The following KATNAL2 variants were observed in gnomAD, a reference collection of about 807,000 sequenced individuals.
KATNAL2 encodes katanin p60 ATPase-containing subunit A-like 2.
A neutral mutation model predicts 76.3 loss-of-function variants in KATNAL2; 52 were observed. The observed-to-expected ratio is 0.68, with a 90% CI of 0.55 to 0.86. The LOEUF (loss-of-function observed/expected upper bound fraction) is 0.86. Among genes scored for constraint, KATNAL2 ranks in the 40% least tolerant of loss-of-function variants. KATNAL2 has a pLI of 0.00. For synonymous variants in KATNAL2, 243 were observed against 244.2 expected (o/e 1.00, Z 0.05); for missense variants, 660 against 668.9 (o/e 0.99, Z 0.15).
Position 47,031,581 on chromosome 18 carries a change from C to T in KATNAL2, c.52-14876C>T, listed in dbSNP as rs566872939. ...AAAATAGGTAAATTTGCTGTGTTTC[C>T]AGACTTCCAGCTACTTCTCCAGGAG... On this transcript the variant is annotated intron_variant, in intron 3 of 17. Coordinates refer to ENST00000683218, the MANE Select transcript of KATNAL2 (RefSeq NM_001387690.1). 6.4e-4 allele frequency among the ~76,000 whole-genome samples: 98 copies of T among 152,186 alleles called. 3 individuals are homozygous for T. The South Asian group carries it at 0.019, about 30-fold the overall frequency.
At chr18:46,925,860 G>C (rs2058711585) in intron 1 of KATNAL2, among the ~76,000 whole-genome samples, 1 of 152,158 alleles carries the variant, frequency 6.6e-6, no homozygotes, top group African/African-American at 2.4e-5. Context: ...AGATTTTCTA[G>C]TTTATTTGCG....
intron 8 of KATNAL2, among the ~76,000 whole-genome samples, chr18:47,061,632 G>A (rs2061635307): frequency 6.6e-6 from 1 of 152,152 alleles, no homozygotes; most frequent in Admixed American, 6.5e-5. Context: ...GTTCTTGAGG[G>A]CATAGGCTTC....
At chr18:47,057,122 A>C in intron 6 of KATNAL2, among the ~76,000 whole-genome samples, 1 of 152,188 alleles carries the variant, frequency 6.6e-6, no homozygotes, top group East Asian at 1.9e-4. Flanking sequence ...TTGCTGGCCA[A>C]ATAGTTGTGC....
intron 3 of KATNAL2, among the ~76,000 whole-genome samples, chr18:46,956,941 G>A (rs1473133617): frequency 6.6e-6 from 1 of 151,456 alleles, no homozygotes; most frequent in African/African-American, 2.4e-5. Context: ...TATTTGGGAG[G>A]CTGAGACAAG....
Position 47,031,390 on chromosome 18 carries a change from C to G in KATNAL2, c.52-15067C>G, listed in dbSNP as rs1046149065. On this transcript the variant is annotated intron_variant, in intron 3 of 17. Transcript: ENST00000683218. Reference sequence around the variant, plus strand: ...GGCAGTTTCGCGTAATTTTTAATTTCTCGTGTGACTTTTTTTGTGTCTCTC... The same window carrying G: ...GGCAGTTTCGCGTAATTTTTAATTTGTCGTGTGACTTTTTTTGTGTCTCTC... 2.6e-5 allele frequency among the ~76,000 whole-genome samples: 4 copies of G among 151,496 alleles called. No individual in the cohort carries two copies. The South Asian group carries it at 6.3e-4, about 24-fold the overall frequency.
In KATNAL2 at chr18:47,069,229, C is replaced by G; in HGVS notation, c.835C>G (p.Leu279Val). 6.2e-7 allele frequency: 1 copy of G among 1,610,800 alleles called. No individual in the cohort carries two copies. The highest frequency in any genetic ancestry group is 8.5e-7 in the Non-Finnish European group (1 of 1,177,996). Residue 279 changes from leucine (L) to valine (V), a missense_variant, in exon 12 of 18, where the codon CTA becomes GTA. Coordinates refer to ENST00000683218, the MANE Select transcript of KATNAL2 (RefSeq NM_001387690.1). ...AVVYPIRYPQ[L>V]FTGILSPWKG... ...TTCCTTGTTTCCTTAGTATCCACAG[C>G]TATTTACAGGAATTCTTTCTCCCTG... is the stretch of plus-strand genomic sequence containing the variant.
chr18:47,058,402 T>A, intron 7 of KATNAL2, 50 bp downstream of exon 7: 2 of 1,039,242 alleles, frequency 1.9e-6, no homozygotes, highest in Admixed American at 2.0e-5. Context: ...GGCTGAAAAA[T>A]AGCCCTATGA....
chr18:47,070,454 G>A (rs1484534610), intron 13 of KATNAL2, among the ~76,000 whole-genome samples: 1 of 152,024 alleles, frequency 6.6e-6, no homozygotes, highest in Non-Finnish European at 1.5e-5. Flanking sequence ...TATAGTTGAT[G>A]TTATATTTTA....
intron 1 of KATNAL2, among the ~76,000 whole-genome samples, chr18:46,930,370 T>C (rs936205839): frequency 6.6e-6 from 1 of 152,156 alleles, no homozygotes; most frequent in Non-Finnish European, 1.5e-5. Flanking sequence ...GTCACTACTA[T>C]TAAAATTTAT....
At chr18:47,040,249 AC>A (rs1308036746) in intron 3 of KATNAL2, among the ~76,000 whole-genome samples, 1 of 152,132 alleles carries the variant, frequency 6.6e-6, no homozygotes, top group African/African-American at 2.4e-5. Flanking sequence ...TTCATTTATT[AC>A]TCTGTTAGGT....
At chr18:47,099,048 C>T in intron 15 of KATNAL2, 195 bp from the exon 16 acceptor site, 1 of 443,524 alleles carries the variant, frequency 2.3e-6, no homozygotes. Context: ...CCCTTCCTTC[C>T]CTCCCTCAGT....
chr18:47,050,427 GAT>G (rs2061307002), intron 4 of KATNAL2, among the ~76,000 whole-genome samples: 1 of 152,146 alleles, frequency 6.6e-6, no homozygotes, highest in South Asian at 2.1e-4. Flanking sequence ...AATTATCCCT[GAT>G]TTTTTATTAC....
At chr18:47,081,384 TTTTA>T (rs1440454306) in intron 15 of KATNAL2, among the ~76,000 whole-genome samples, 3 of 152,194 alleles carry the variant, frequency 2.0e-5, no homozygotes, top group Non-Finnish European at 4.4e-5. Context: ...TAATAACATG[TTTTA>T]TTTAACACAG....
At chr18:47,074,803 C>T (rs1236864521) in intron 13 of KATNAL2, among the ~76,000 whole-genome samples, 1 of 152,188 alleles carries the variant, frequency 6.6e-6, no homozygotes, top group Non-Finnish European at 1.5e-5. Context: ...ATTTGTCAGC[C>T]TTGTTACCCA....
intron 4 of KATNAL2, among the ~76,000 whole-genome samples, chr18:47,048,255 T>C (rs556801471): frequency 6.6e-6 from 1 of 152,302 alleles, no homozygotes; most frequent in Non-Finnish European, 1.5e-5. Flanking sequence ...AAAAGTCTGA[T>C]AAGCATCTTT....
intron 15 of KATNAL2, among the ~76,000 whole-genome samples, chr18:47,092,050 C>G (rs1343420211): frequency 6.6e-6 from 1 of 152,154 alleles, no homozygotes; most frequent in African/African-American, 2.4e-5. Flanking sequence ...AGGCCCAACC[C>G]TCCATATTAC....
At chr18:46,935,873 A>T (rs756266115) in intron 1 of KATNAL2, among the ~76,000 whole-genome samples, 1 of 152,034 alleles carries the variant, frequency 6.6e-6, no homozygotes, top group South Asian at 2.1e-4. Flanking sequence ...CTGAGATTGC[A>T]CCACTGCCCT....
intron 1 of KATNAL2, among the ~76,000 whole-genome samples, chr18:46,919,765 G>A (rs536788059): frequency 5.3e-5 from 8 of 152,146 alleles, no homozygotes; most frequent in African/African-American, 1.7e-4. Context: ...AATGAATAAA[G>A]GAATGAATGA....
intron 1 of KATNAL2, among the ~76,000 whole-genome samples, chr18:46,928,870 G>A (rs56345132): frequency 0.085 from 12,862 of 151,600 alleles, 588 homozygotes; most frequent in African/African-American, 0.1. Context: ...ATCTTGGCTC[G>A]CTGCAACCTC....
Sources: allele counts gnomAD v4.1 joint callset (sites outside exome capture counted in the v4.1 genomes callset), GRCh38; gene constraint gnomAD v4.1.1; transcripts MANE v1.5; gene names NCBI Gene and HGNC (gene_info 2026-07-23, HGNC 2026-07-21).